WIF1: variants seen among roughly 807,000 people sequenced by gnomAD.
WIF1 encodes the protein Wnt inhibitory factor 1.
In WIF1, 35 loss-of-function variants were observed where a neutral mutation model predicts 53.5. The observed-to-expected ratio is 0.65, with a 90% CI of 0.50 to 0.87. WIF1 has a LOEUF of 0.87. Among genes scored for constraint, WIF1 ranks in the 40% least tolerant of loss-of-function variants. WIF1 has a pLI of 0.00. For missense variants in WIF1, 467 were observed against 476.8 expected (o/e 0.98, Z 0.19); for synonymous variants, 171 against 170.4 (o/e 1.00, Z -0.03).
intron 6 of WIF1, among the ~76,000 whole-genome samples, chr12:65,064,717 A>G (rs997477409): frequency 6.6e-6 from 1 of 152,182 alleles, no homozygotes; most frequent in African/African-American, 2.4e-5. Context: ...ATAAAATATT[A>G]CAAAATATAG....
chr12:65,090,602 T>A (rs969804167), intron 2 of WIF1, among the ~76,000 whole-genome samples: 1 of 152,042 alleles, frequency 6.6e-6, no homozygotes, highest in Non-Finnish European at 1.5e-5. Context: ...ATGGCAGAAC[T>A]GAGATCTGCT....
At position 65,067,865 on chromosome 12, in the gene WIF1, A is replaced by G. The variant is rs1296834171; in HGVS notation, c.539-75T>C. On this transcript the variant is annotated intron_variant, in intron 4 of 9. Transcript: ENST00000286574. ...GGGTGAATCACAGCCAGTGTGAGAC[A>G]GTAGTGTTCATTTCTGTTCTAGCCC... 5 of 1,303,822 alleles carry G rather than the reference A, an allele frequency of 3.8e-6. No homozygotes were observed. The Admixed American group carries it at 5.7e-5, about 15-fold the overall frequency. 80.8% of individuals were successfully genotyped at this position (1,303,822 alleles called of 1,614,324 possible). A position where few individuals can be genotyped will look rare whatever the true frequency, so the allele number is the denominator to read the frequency against.
At chr12:65,063,417 G>T (rs1478582662) in intron 6 of WIF1, among the ~76,000 whole-genome samples, 1 of 152,122 alleles carries the variant, frequency 6.6e-6, no homozygotes, top group Non-Finnish European at 1.5e-5. Flanking sequence ...ATGAGAGCTT[G>T]GATTTTTAGC....
At chr12:65,110,161 C>A (rs980418251) in intron 2 of WIF1, among the ~76,000 whole-genome samples, 4 of 152,098 alleles carry the variant, frequency 2.6e-5, no homozygotes, top group Admixed American at 6.5e-5. Context: ...AGTGTTAGGG[C>A]CTAAATGGGT....
In WIF1 at chr12:65,068,649, ATGTG is replaced by A. The variant is rs10590995; in HGVS notation, c.538+111_538+114del. On this transcript the variant is annotated intron_variant, in intron 4 of 9. Transcript: ENST00000286574. ...TTATAGAGCCATCATCCAAAAAACC[ATGTG>A]TGTGTGTGTGTGTGTGTGTGTGTGT... is the stretch of plus-strand genomic sequence containing the variant. 0.19 allele frequency: 184,850 copies of A among 997,298 alleles called. 9,612 individuals carry two copies. The highest frequency in any genetic ancestry group is 0.28 in the Admixed American group (9,912 of 35,950). 61.8% of individuals were successfully genotyped at this position (997,298 alleles called of 1,614,324 possible).
intron 6 of WIF1, among the ~76,000 whole-genome samples, chr12:65,066,257 AG>A (rs1156956389): frequency 6.6e-6 from 1 of 152,160 alleles, no homozygotes; most frequent in Non-Finnish European, 1.5e-5. Flanking sequence ...ATTCTGGGCC[AG>A]GGCTTTTAAA....
intron 2 of WIF1, among the ~76,000 whole-genome samples, chr12:65,084,910 A>G (rs1035566179): frequency 1.3e-5 from 2 of 152,192 alleles, no homozygotes; most frequent in Admixed American, 6.6e-5. Flanking sequence ...TTGAGAATAC[A>G]GAGCACTTTT....
chr12:65,083,782 CT>C, intron 2 of WIF1: 1 of 261,832 alleles, frequency 3.8e-6, no homozygotes, highest in Non-Finnish European at 6.8e-6. Flanking sequence ...TTCCCTTTCC[CT>C]TTCCTTTCCT....
intron 2 of WIF1, among the ~76,000 whole-genome samples, chr12:65,091,902 G>A (rs372752699): frequency 6.6e-6 from 1 of 152,262 alleles, no homozygotes; most frequent in East Asian, 1.9e-4. Flanking sequence ...TAGGGATGCA[G>A]CAGTCAGCAA....
intron 9 of WIF1, among the ~76,000 whole-genome samples, chr12:65,053,597 A>C (rs1055461612): frequency 1.3e-5 from 2 of 152,080 alleles, no homozygotes; most frequent in Admixed American, 1.3e-4. Context: ...AGGCCTCCCT[A>C]GCCATATGGA....
chr12:65,071,845 A>G (rs923930108), intron 3 of WIF1, among the ~76,000 whole-genome samples: 105 of 152,178 alleles, frequency 6.9e-4, no homozygotes, highest in Non-Finnish European at 8.1e-4. Context: ...AATTTCAATG[A>G]ATTATTATTT....
chr12:65,118,814 T>C (rs1291515585), intron 2 of WIF1, among the ~76,000 whole-genome samples: 1 of 152,158 alleles, frequency 6.6e-6, no homozygotes, highest in Admixed American at 6.6e-5. Flanking sequence ...CTTCAAATTC[T>C]ATTCTTCAAC....
chr12:65,098,347 C>T lies in WIF1; in HGVS notation c.289-20493G>A, dbSNP rs192007035. 2.5e-3 allele frequency among the ~76,000 whole-genome samples: 385 copies of T among 152,170 alleles called. 4 individuals carry two copies. The highest frequency in any genetic ancestry group is 8.9e-3 in the African/African-American group (371 of 41,542). On this transcript the variant is annotated intron_variant, in intron 2 of 9. Transcript: ENST00000286574. ...ACAGGCCAGTCTTCACAAAGCCCTT[C>T]TAAGGGAAAATAGCAGATCACAACA...
chr12:65,067,824 C>G, intron 4 of WIF1, 34 bp from the exon 5 acceptor site: 2 of 1,588,522 alleles, frequency 1.3e-6, no homozygotes, highest in Non-Finnish European at 1.7e-6. Flanking sequence ...TATATGGACA[C>G]CCTTGAAATC....
chr12:65,118,242 G>A (rs184032250), intron 2 of WIF1, among the ~76,000 whole-genome samples: 1 of 152,272 alleles, frequency 6.6e-6, no homozygotes, highest in Admixed American at 6.5e-5. Flanking sequence ...CCATGTAAAT[G>A]TTTTGATGTG....
chr12:65,095,107 A>ATTTT (rs71096025), intron 2 of WIF1, among the ~76,000 whole-genome samples: 99 of 139,602 alleles, frequency 7.1e-4, no homozygotes, highest in African/African-American at 2.5e-3. Context: ...TAATTTTTGT[A>ATTTT]TTTTTTTTTT....
chr12:65,119,529 C>T (rs1566320), intron 2 of WIF1, among the ~76,000 whole-genome samples: 82,837 of 152,034 alleles, frequency 0.54, 25,015 homozygotes, highest in East Asian at 0.87. Flanking sequence ...TTCGGTATCA[C>T]ATTCTTCTTG....
rs779580822 is a variant in WIF1 at position 65,067,734 on chromosome 12, C to G, written c.595G>C (p.Glu199Gln). ...GGFCNERRIC[E>Q]CPDGFHGPHC... is the part of the protein sequence containing the mutation. ...GGTCCGTGGAACCCATCAGGACACT[C>G]GCAGATGCGTCTTTCATTACAAAAG... Residue 199 changes from glutamate (E) to glutamine (Q), a missense_variant, in exon 5 of 10, where the codon GAG becomes CAG. Transcript: ENST00000286574. The G allele has an allele frequency of 1.2e-6, 2 of 1,613,372 alleles. No homozygotes were observed. Among genetic ancestry groups the G allele is most frequent in the Admixed American group, 1.7e-5 (1 of 59,960 alleles).
At chr12:65,114,722 A>C (rs12311025) in intron 2 of WIF1, among the ~76,000 whole-genome samples, 2,089 of 152,244 alleles carry the variant, frequency 0.014, 57 homozygotes, top group African/African-American at 0.049. Context: ...ATACATAAAA[A>C]CAAACACATT....
Sources: allele counts gnomAD v4.1 joint callset (sites outside exome capture counted in the v4.1 genomes callset), GRCh38; gene constraint gnomAD v4.1.1; transcripts MANE v1.5; gene names NCBI Gene and HGNC (gene_info 2026-07-23, HGNC 2026-07-21).